The following ANO2 variants were observed in gnomAD, a reference collection of about 807,000 sequenced individuals.
ANO2 encodes anoctamin 2.
Under a neutral mutation model 124.2 loss-of-function variants are expected in ANO2, and 101 were observed. That is an observed-to-expected ratio of 0.81 (90% CI 0.69 to 0.96). ANO2 has a LOEUF of 0.96. Ranked by LOEUF, ANO2 falls within the 40% of genes least tolerant of loss-of-function variation. The pLI, the probability that ANO2 is intolerant of heterozygous loss-of-function variation, is 0.00. For missense variants in ANO2, 1,293 were observed against 1,274.5 expected (o/e 1.01, Z -0.22); for synonymous variants, 486 against 482.5 (o/e 1.01, Z -0.09).
At chr12:5,605,970 T>G (rs1227237409) in intron 19 of ANO2, among the ~76,000 whole-genome samples, 2 of 152,118 alleles carry the variant, frequency 1.3e-5, no homozygotes, top group Non-Finnish European at 2.9e-5. Flanking sequence ...GTTGTGTGAG[T>G]GGGGACCATT....
rs1455169611 is a variant in ANO2, at chr12:5,814,861, T to G, written c.893-7493A>C. 2.0e-5 allele frequency among the ~76,000 whole-genome samples: 3 copies of G among 152,216 alleles called. No individual in the cohort carries two copies. In the South Asian group the frequency reaches 6.2e-4, roughly 32 times the overall value. ...TGACAAAGAGTCAAGAAACCTAAGT[T>G]CTAAACCCATTTCCAAAGTTCTAGC... On this transcript the variant is annotated intron_variant, in intron 7 of 24. Transcript: ENST00000682330.
At chr12:5,756,578 C>T (rs897823773) in intron 10 of ANO2, among the ~76,000 whole-genome samples, 4 of 152,206 alleles carry the variant, frequency 2.6e-5, no homozygotes, top group South Asian at 4.1e-4. Context: ...GCAGTGCCTG[C>T]GGGCAGACTT....
intron 10 of ANO2, among the ~76,000 whole-genome samples, chr12:5,765,891 T>C (rs1412281475): frequency 6.6e-6 from 1 of 151,982 alleles, no homozygotes; most frequent in Non-Finnish European, 1.5e-5. Flanking sequence ...AGTAGAAAAA[T>C]GAACAGAAGA....
Position 5,580,526 on chromosome 12 carries a change from A to G in ANO2, c.2234-2008T>C, listed in dbSNP as rs535092024. On this transcript the variant is annotated intron_variant, in intron 20 of 24. Transcript: ENST00000682330. The stretch of plus-strand genomic sequence containing the variant: ...TCAATGGGCATCAGCAACCTCATTG[A>G]TAAATTGAAGGGACCGGTTTAAATT... Among the ~76,000 whole-genome samples, 4 of 152,334 alleles carry G rather than the reference A, an allele frequency of 2.6e-5. No individual in the cohort carries two copies. In the East Asian group the frequency reaches 7.7e-4, roughly 29 times the overall value.
chr12:5,777,352 C>T (rs542824246), intron 10 of ANO2, among the ~76,000 whole-genome samples: 1 of 152,252 alleles, frequency 6.6e-6, no homozygotes, highest in South Asian at 2.1e-4. Context: ...TGTCCTTCAC[C>T]TCATGTTGAT....
chr12:5,877,200 C>T (rs1247493382), intron 3 of ANO2, among the ~76,000 whole-genome samples: 1 of 151,992 alleles, frequency 6.6e-6, no homozygotes, highest in Admixed American at 6.5e-5. Context: ...GACTGAGGTC[C>T]TTATAAGTAG....
At chr12:5,631,717 C>T (rs1260302858) in intron 16 of ANO2, among the ~76,000 whole-genome samples, 1 of 152,120 alleles carries the variant, frequency 6.6e-6, no homozygotes, top group East Asian at 1.9e-4. Flanking sequence ...GTCGTTTTGG[C>T]AGTCACAGCA....
intron 10 of ANO2, among the ~76,000 whole-genome samples, chr12:5,777,270 T>G (rs746624040): frequency 3.3e-5 from 5 of 152,188 alleles, no homozygotes; most frequent in Non-Finnish European, 5.9e-5. Context: ...TTAGCTCAGA[T>G]AGTGAGGTCA....
intron 4 of ANO2, chr12:5,839,577 C>A (rs1954443938): frequency 2.2e-6 from 1 of 455,908 alleles, no homozygotes. Flanking sequence ...AACATTCATT[C>A]ATGGCACAAG....
At chr12:5,693,044 A>T (rs1275852143) in intron 14 of ANO2, among the ~76,000 whole-genome samples, 1 of 152,026 alleles carries the variant, frequency 6.6e-6, no homozygotes, top group Non-Finnish European at 1.5e-5. Context: ...ACTTCGGCGC[A>T]TCCATCATCA....
chr12:5,739,223 A>G, intron 13 of ANO2, 94 bp downstream of exon 13: 1 of 1,184,972 alleles, frequency 8.4e-7, no homozygotes, highest in Non-Finnish European at 1.2e-6. Context: ...GACAGCAAAC[A>G]TACATGGTTA....
intron 20 of ANO2, among the ~76,000 whole-genome samples, chr12:5,593,096 T>C (rs752923041): frequency 1.3e-5 from 2 of 152,196 alleles, no homozygotes; most frequent in African/African-American, 2.4e-5. Context: ...TAAGTAAACA[T>C]GCAATCATGG....
chr12:5,699,750 C>T (rs1949329484), intron 14 of ANO2, among the ~76,000 whole-genome samples: 1 of 151,980 alleles, frequency 6.6e-6, no homozygotes, highest in South Asian at 2.1e-4. Context: ...GGAAGATCTA[C>T]CAAGCAAATG....
Position 5,713,007 on chromosome 12 carries a change from T to C in ANO2, c.1545+19513A>G, listed in dbSNP as rs1949870939. Among the ~76,000 whole-genome samples, 7 of 152,252 alleles carry C rather than the reference T, an allele frequency of 4.6e-5. No individual in the cohort carries two copies. In the South Asian group the frequency reaches 1.2e-3, roughly 27 times the overall value. On this transcript the variant is annotated intron_variant, in intron 14 of 24. Transcript: ENST00000682330. ...TCTGGAGAGCATGAGAGGATTTTAA[T>C]CAAGGGAGTCACATAATCAGATCTG...
Position 5,635,704 on chromosome 12 carries a change from A to G in ANO2, c.1621-357T>C, listed in dbSNP as rs532974271. On this transcript the variant is annotated intron_variant, in intron 15 of 24. Coordinates refer to ENST00000682330, the MANE Select transcript of ANO2 (RefSeq NM_001364791.2). This position sits in a 1 kb window ranked among gnomAD's most constrained non-coding sequence, Gnocchi z 5.2. The stretch of plus-strand genomic sequence containing the variant: ...AATTTCTTTCATTAGGGAGCTTTTG[A>G]TCTTCTAAAGAGATAACATGAACTC... Among the ~76,000 whole-genome samples the G allele has an allele frequency of 6.6e-6, 1 of 152,082 alleles. No individual in the cohort carries two copies. The highest frequency in any genetic ancestry group is 2.4e-5 in the African/African-American group (1 of 41,458).
At chr12:5,932,805 T>C (rs1942473911) in intron 1 of ANO2, among the ~76,000 whole-genome samples, 1 of 152,118 alleles carries the variant, frequency 6.6e-6, no homozygotes, top group African/African-American at 2.4e-5. Flanking sequence ...AACATGAAAG[T>C]ATGAAGAAGG....
chr12:5,853,945 A>G (rs1334939676), intron 4 of ANO2, 98 bp downstream of exon 4: 8 of 517,966 alleles, frequency 1.5e-5, no homozygotes, highest in South Asian at 1.1e-4. Flanking sequence ...TGTGATTTCA[A>G]TTCCACAAAA....
intron 6 of ANO2, among the ~76,000 whole-genome samples, chr12:5,829,892 T>C (rs1356985847): frequency 6.6e-6 from 1 of 152,228 alleles, no homozygotes; most frequent in Middle Eastern, 3.2e-3. Flanking sequence ...TGGCTTTCTA[T>C]TGAATGGGCT....
At chr12:5,789,542 T>A (rs1489601798) in intron 10 of ANO2, among the ~76,000 whole-genome samples, 1 of 152,172 alleles carries the variant, frequency 6.6e-6, no homozygotes, top group African/African-American at 2.4e-5. Flanking sequence ...AGCTCCCCAG[T>A]CTCTTCACGG....
Sources: gnomAD v4.1 joint callset for allele counts (sites outside exome capture counted in the v4.1 genomes callset) on GRCh38, gnomAD v4.1.1 for gene constraint, Gnocchi (gnomAD v3.1) non-coding constraint, MANE v1.5 for transcripts, NCBI Gene and HGNC (gene_info 2026-07-23, HGNC 2026-07-21) for gene names.